Variants in CSMD3 observed in about 807,000 individuals in gnomAD.
The protein encoded by CSMD3 is CUB and Sushi multiple domains 3, also known as CUB and sushi domain-containing protein 3.
In CSMD3, 177 loss-of-function variants were observed where a neutral mutation model predicts 435.2. The ratio of observed to expected loss-of-function variants is 0.41; its 90% CI spans 0.36 to 0.46. The LOEUF (loss-of-function observed/expected upper bound fraction) is 0.46. Ranked by LOEUF, CSMD3 falls within the 20% of genes least tolerant of loss-of-function variation. The probability of loss-of-function intolerance (pLI) is 0.34; values close to 1 mark genes in which losing one functional copy is unlikely to be tolerated. For missense variants in CSMD3, 4,265 were observed against 4,504.6 expected, an observed-to-expected ratio of 0.95 and a Z score of 1.52; for synonymous variants, 1,656 against 1,520.5, an observed-to-expected ratio of 1.09 and a Z score of -2.07.
intron 10 of CSMD3, among the ~76,000 whole-genome samples, chr8:112,887,652 T>C (rs2081646722): frequency 6.6e-6 from 1 of 151,510 alleles, no homozygotes; most frequent in Non-Finnish European, 1.5e-5. Flanking sequence ...TATTTTATAG[T>C]ATGGATAGTG....
chr8:113,018,376 A>G (rs2131166210), intron 6 of CSMD3, among the ~76,000 whole-genome samples: 1 of 152,158 alleles, frequency 6.6e-6, no homozygotes, highest in South Asian at 2.1e-4. Flanking sequence ...AACAAAAAAC[A>G]CAGATAAATG....
rs1586660964 is a variant in CSMD3 at position 112,288,024 on chromosome 8, T to C, written c.9149-778A>G. ...ACATTGAGAGAGAGAGTGAGCGAGC[T>C]AGAGAGAAAGAGAGAGAGAGAGAGA... On this transcript the variant is annotated intron_variant, in intron 57 of 70. Coordinates refer to ENST00000297405, the MANE Select transcript of CSMD3 (RefSeq NM_198123.2). Among the ~76,000 whole-genome samples the C allele has an allele frequency of 2.5e-5, 3 of 119,244 alleles. No individual in the cohort carries two copies. The Admixed American group carries it at 2.9e-4, about 11-fold the overall frequency. 78.2% of individuals were successfully genotyped at this position (119,244 alleles called of 152,430 possible). A position where few individuals can be genotyped will look rare whatever the true frequency, so the allele number is the denominator to read the frequency against.
chr8:113,152,287 G>T (rs2091825614), intron 4 of CSMD3, among the ~76,000 whole-genome samples: 1 of 151,970 alleles, frequency 6.6e-6, no homozygotes, highest in Non-Finnish European at 1.5e-5. Context: ...TACCACTTAT[G>T]TAACTTTTAA....
In CSMD3 at chr8:113,137,309, T is replaced by C. The variant is rs185879167; in HGVS notation, c.709+36413A>G. On this transcript the variant is annotated intron_variant, in intron 4 of 70. Coordinates refer to ENST00000297405, the MANE Select transcript of CSMD3 (RefSeq NM_198123.2). ...AAATAGAGTTAGTCTATAATTGATA[T>C]ATTAGGATTACTTAATATCCTGTTT... Among the ~76,000 whole-genome samples the C allele has an allele frequency of 4.6e-5, 7 of 151,866 alleles. No homozygotes were observed. The East Asian group carries it at 1.4e-3, about 29-fold the overall frequency.
rs114053856 is a variant in CSMD3 at position 112,491,342 on chromosome 8, G to A, written c.5278+1147C>T. ...TTTATTTATTTCTTTATATATAACA[G>A]AGAAAAGTTCCAAAAGTAATATGTA... is the stretch of plus-strand genomic sequence containing the variant. On this transcript the variant is annotated intron_variant, in intron 31 of 70. Coordinates refer to ENST00000297405, the MANE Select transcript of CSMD3 (RefSeq NM_198123.2). 8.1e-3 allele frequency among the ~76,000 whole-genome samples: 1,240 copies of A among 152,148 alleles called. 24 individuals carry two copies. The highest frequency in any genetic ancestry group is 0.028 in the African/African-American group (1,151 of 41,502).
chr8:112,920,997 G>GCACACACACA (rs747366512), intron 10 of CSMD3, among the ~76,000 whole-genome samples: 1 of 114,966 alleles, frequency 8.7e-6, no homozygotes, highest in Non-Finnish European at 1.9e-5. Context: ...ACGCGCGCGC[G>GCACACACACA]CACACACACA....
At chr8:112,572,870 G>A (rs762710735) in intron 24 of CSMD3, among the ~76,000 whole-genome samples, 1 of 151,784 alleles carries the variant, frequency 6.6e-6, no homozygotes, top group Non-Finnish European at 1.5e-5. Flanking sequence ...CTTATATAAC[G>A]GTACTAGTAA....
At chr8:113,160,403 G>A (rs2092016829) in intron 4 of CSMD3, among the ~76,000 whole-genome samples, 1 of 151,888 alleles carries the variant, frequency 6.6e-6, no homozygotes, top group African/African-American at 2.4e-5. Context: ...AATTCAAAAC[G>A]TCTAACGTAT....
At chr8:112,974,080 G>C (rs1003519521) in intron 7 of CSMD3, among the ~76,000 whole-genome samples, 1 of 151,798 alleles carries the variant, frequency 6.6e-6, no homozygotes, top group African/African-American at 2.4e-5. Flanking sequence ...AACAGCACTG[G>C]GAGCTTATGA....
intron 35 of CSMD3, among the ~76,000 whole-genome samples, chr8:112,397,458 C>T (rs1049388654): frequency 1.3e-5 from 2 of 152,152 alleles, no homozygotes; most frequent in Admixed American, 6.5e-5. Flanking sequence ...TGGATATGCA[C>T]TTTTAAACTG....
At chr8:113,291,420 A>G (rs949589506) in intron 2 of CSMD3, among the ~76,000 whole-genome samples, 1 of 151,882 alleles carries the variant, frequency 6.6e-6, no homozygotes, top group Admixed American at 6.6e-5. Context: ...TTAACACTGC[A>G]TTTAAGGACA....
At chr8:112,950,992 T>C (rs1458441725) in intron 8 of CSMD3, among the ~76,000 whole-genome samples, 1 of 151,950 alleles carries the variant, frequency 6.6e-6, no homozygotes, top group Non-Finnish European at 1.5e-5. Flanking sequence ...CCACCATTTC[T>C]GGACATCTGC....
intron 3 of CSMD3, among the ~76,000 whole-genome samples, chr8:113,208,209 A>G (rs2092792993): frequency 6.6e-6 from 1 of 152,228 alleles, no homozygotes; most frequent in South Asian, 2.1e-4. Flanking sequence ...TTAATGTTGA[A>G]GATTCCTGAA....
At chr8:112,498,731 T>C (rs1821630661) in intron 30 of CSMD3, among the ~76,000 whole-genome samples, 1 of 152,148 alleles carries the variant, frequency 6.6e-6, no homozygotes, top group Admixed American at 6.5e-5. Context: ...CTTCTTTCTT[T>C]CTTTTCTTTC....
intron 24 of CSMD3, among the ~76,000 whole-genome samples, chr8:112,572,202 C>G (rs1829586775): frequency 6.6e-6 from 1 of 152,010 alleles, no homozygotes; most frequent in South Asian, 2.1e-4. Context: ...CTTGTAAACA[C>G]AATTTGTCTG....
intron 24 of CSMD3, 133 bp from the exon 25 acceptor site, chr8:112,557,087 A>G: frequency 1.6e-6 from 1 of 631,288 alleles, no homozygotes; most frequent in Non-Finnish European, 2.8e-6. Flanking sequence ...TACCATATTT[A>G]ATTTTCGTAT....
Position 112,845,218 on chromosome 8 carries a change from C to A in CSMD3, c.1755+13927G>T, listed in dbSNP as rs1396053490. The stretch of plus-strand genomic sequence containing the variant: ...AAAAACTCCCACATGACAGTTACTT[C>A]ATTAGATATTAAGGATGCATGGACT... On this transcript the variant is annotated intron_variant, in intron 11 of 70. Coordinates refer to ENST00000297405, the MANE Select transcript of CSMD3 (RefSeq NM_198123.2). 3.9e-5 allele frequency among the ~76,000 whole-genome samples: 6 copies of A among 152,162 alleles called. No homozygotes were observed. In the East Asian group the frequency reaches 9.7e-4, roughly 25 times the overall value.
chr8:112,317,766 T>G (rs1047467289), intron 47 of CSMD3, among the ~76,000 whole-genome samples: 4 of 152,058 alleles, frequency 2.6e-5, no homozygotes, highest in African/African-American at 9.7e-5. Context: ...TGCAATCTTT[T>G]TATCTTCTTG....
chr8:112,773,461 C>T (rs1311184880), intron 13 of CSMD3, among the ~76,000 whole-genome samples: 1 of 151,880 alleles, frequency 6.6e-6, no homozygotes, highest in Non-Finnish European at 1.5e-5. Flanking sequence ...TATTAAGAGC[C>T]TCCAGGTAAT....
Sources: gnomAD v4.1 joint callset for allele counts (sites outside exome capture counted in the v4.1 genomes callset) on GRCh38, gnomAD v4.1.1 for gene constraint, MANE v1.5 for transcripts, NCBI Gene and HGNC (gene_info 2026-07-23, HGNC 2026-07-21) for gene names.